PTPRD: variants seen among roughly 807,000 people sequenced by gnomAD.
PTPRD encodes receptor-type tyrosine-protein phosphatase delta.
A neutral mutation model predicts 214.5 loss-of-function variants in PTPRD; 34 were observed. That is an observed-to-expected ratio of 0.16 (90% CI 0.12 to 0.21). The LOEUF is 0.21. Among genes scored for constraint, PTPRD ranks in the 10% least tolerant of loss-of-function variants. PTPRD has a pLI of 1.00. For missense variants in PTPRD, 2,545 were observed against 2,398.7 expected (o/e 1.06, Z -1.27); for synonymous variants, 1,128 against 845.7 (o/e 1.33, Z -5.79).
At position 9,693,387 on chromosome 9, in the gene PTPRD, ACT is replaced by A. The variant is rs1219169280; in HGVS notation, c.-287+41144_-287+41145del. ...TAGTTTTTCCTGTACTCTCACAGACACTCTCTCACCTGCTGCCATGTAAGACA... is the reference window on the plus strand; with the variant it reads ...TAGTTTTTCCTGTACTCTCACAGACACTCTCACCTGCTGCCATGTAAGACA... On this transcript the variant is annotated intron_variant, in intron 7 of 45. Coordinates refer to ENST00000381196, the MANE Select transcript of PTPRD (RefSeq NM_002839.4). Among the ~76,000 whole-genome samples, 7 of 151,800 alleles carry A rather than the reference ACT, an allele frequency of 4.6e-5. No homozygotes were observed. In the East Asian group the frequency reaches 1.4e-3, roughly 30 times the overall value.
At chr9:10,319,657 A>G (rs957869419) in intron 3 of PTPRD, among the ~76,000 whole-genome samples, 25 of 152,060 alleles carry the variant, frequency 1.6e-4, no homozygotes, top group African/African-American at 6.0e-4. Flanking sequence ...TTGAAAATGA[A>G]TGATGATGAA....
intron 10 of PTPRD, among the ~76,000 whole-genome samples, chr9:9,101,101 C>CGAGAG (rs201606126): frequency 1.2e-4 from 18 of 150,494 alleles, no homozygotes; most frequent in East Asian, 1.2e-3. Flanking sequence ...CAATGTAAAA[C>CGAGAG]AGAGAGAGAG....
chr9:10,160,704 C>T (rs1222269350), intron 3 of PTPRD, among the ~76,000 whole-genome samples: 2 of 151,816 alleles, frequency 1.3e-5, no homozygotes, highest in Non-Finnish European at 2.9e-5. Context: ...TTATTTAACA[C>T]AGTACTGGAA....
intron 5 of PTPRD, among the ~76,000 whole-genome samples, chr9:9,799,821 T>A (rs1021117380): frequency 6.6e-6 from 1 of 152,158 alleles, no homozygotes; most frequent in Non-Finnish European, 1.5e-5. Context: ...AAAATAGTCA[T>A]CTAAAGGGAA....
chr9:8,586,042 C>T (rs1305650913), intron 14 of PTPRD, among the ~76,000 whole-genome samples: 2 of 152,050 alleles, frequency 1.3e-5, no homozygotes, highest in African/African-American at 4.8e-5. Context: ...TGGCTCACAC[C>T]TGTAATCCCA....
At chr9:9,197,557 C>A (rs932131956) in intron 9 of PTPRD, among the ~76,000 whole-genome samples, 9 of 152,106 alleles carry the variant, frequency 5.9e-5, no homozygotes, top group Admixed American at 5.2e-4. Context: ...ATTACAGGCG[C>A]GTGCCACCAC....
chr9:9,831,964 G>A (rs997322665), intron 5 of PTPRD, among the ~76,000 whole-genome samples: 1 of 151,994 alleles, frequency 6.6e-6, no homozygotes, highest in Non-Finnish European at 1.5e-5. Flanking sequence ...GCATTTCAAT[G>A]TCAGACATTA....
At chr9:9,475,946 T>C (rs910218200) in intron 8 of PTPRD, among the ~76,000 whole-genome samples, 17 of 152,118 alleles carry the variant, frequency 1.1e-4, no homozygotes, top group Non-Finnish European at 1.5e-5. Flanking sequence ...GGGATTATCA[T>C]CACTTCTTAA....
rs74355445 is a variant in PTPRD, at chr9:9,338,633, A to G, written c.-203+58816T>C. On this transcript the variant is annotated intron_variant, in intron 9 of 45. Transcript: ENST00000381196. ...CCAAGCTCTTCAGCATTTATTCAAAATTTTTAAAATCTAAAGCCTTCTCAT... is the reference window on the plus strand; with the variant it reads ...CCAAGCTCTTCAGCATTTATTCAAAGTTTTTAAAATCTAAAGCCTTCTCAT... 5.1e-3 allele frequency among the ~76,000 whole-genome samples: 778 copies of G among 152,258 alleles called. 3 individuals carry two copies. Among genetic ancestry groups the G allele is most frequent in the African/African-American group, 0.018 (753 of 41,564 alleles).
chr9:9,333,703 G>A (rs2043279535), intron 9 of PTPRD, among the ~76,000 whole-genome samples: 1 of 151,420 alleles, frequency 6.6e-6, no homozygotes, highest in Non-Finnish European at 1.5e-5. Flanking sequence ...ACAGTTGATA[G>A]ATATTTCCAA....
At chr9:9,198,547 T>A (rs2099940006) in intron 9 of PTPRD, among the ~76,000 whole-genome samples, 1 of 152,194 alleles carries the variant, frequency 6.6e-6, no homozygotes. Context: ...CTCAAGAATT[T>A]TAGTTAATTT....
At chr9:9,947,530 ATT>A (rs1566622180) in intron 4 of PTPRD, among the ~76,000 whole-genome samples, 4 of 17,322 alleles carry the variant, frequency 2.3e-4, no homozygotes, top group African/African-American at 1.2e-3. Context: ...TATTATATAT[ATT>A]TTATATATAA....
At chr9:9,458,709 G>A (rs951637058) in intron 8 of PTPRD, among the ~76,000 whole-genome samples, 2 of 152,090 alleles carry the variant, frequency 1.3e-5, no homozygotes, top group Non-Finnish European at 2.9e-5. Flanking sequence ...GGGAGGTCAA[G>A]GTAGGTGGAT....
At chr9:10,490,067 G>C (rs2099157089) in intron 2 of PTPRD, among the ~76,000 whole-genome samples, 3 of 152,158 alleles carry the variant, frequency 2.0e-5, no homozygotes, top group Non-Finnish European at 4.4e-5. Flanking sequence ...ATAATCAGTA[G>C]AGACTCCCAT....
intron 7 of PTPRD, among the ~76,000 whole-genome samples, chr9:9,649,022 T>G (rs2096266674): frequency 6.6e-6 from 1 of 152,126 alleles, no homozygotes; most frequent in African/African-American, 2.4e-5. Context: ...GCCTTTGTGT[T>G]GAGGCCTCAG....
At chr9:9,312,155 G>T (rs940954521) in intron 9 of PTPRD, among the ~76,000 whole-genome samples, 1 of 152,026 alleles carries the variant, frequency 6.6e-6, no homozygotes, top group African/African-American at 2.4e-5. Context: ...TATTTCATTT[G>T]ATCCTAAAAA....
chr9:9,452,628 A>T (rs892638712), intron 8 of PTPRD, among the ~76,000 whole-genome samples: 1 of 151,296 alleles, frequency 6.6e-6, no homozygotes, highest in Non-Finnish European at 1.5e-5. Context: ...ATCACTCTTA[A>T]ATTACTTTGA....
At chr9:9,080,247 A>G (rs562907678) in intron 10 of PTPRD, among the ~76,000 whole-genome samples, 1 of 152,200 alleles carries the variant, frequency 6.6e-6, no homozygotes, top group Non-Finnish European at 1.5e-5. Flanking sequence ...AGATGACCAA[A>G]TATCTTTGAT....
chr9:8,454,811 A>T (rs1385385128), intron 33 of PTPRD, among the ~76,000 whole-genome samples: 2 of 148,740 alleles, frequency 1.3e-5, no homozygotes, highest in Non-Finnish European at 3.0e-5. Context: ...CTGAATACAT[A>T]GTGTGTGTGT....
Sources: gnomAD v4.1 joint callset for allele counts (sites outside exome capture counted in the v4.1 genomes callset) on GRCh38, gnomAD v4.1.1 for gene constraint, MANE v1.5 for transcripts, NCBI Gene and HGNC (gene_info 2026-07-23, HGNC 2026-07-21) for gene names.